Variants in CCDC178 observed in about 807,000 individuals in gnomAD.
The protein encoded by CCDC178 is coiled-coil domain containing 178.
Under a neutral mutation model 117.4 loss-of-function variants are expected in CCDC178, and 126 were observed. The ratio of observed to expected loss-of-function variants is 1.07; its 90% CI spans 0.93 to 1.24. The LOEUF (loss-of-function observed/expected upper bound fraction) is 1.24, where lower values mean the gene tolerates loss of function less well. CCDC178 is among the 50% of genes most tolerant of loss of function. The pLI, the probability that CCDC178 is intolerant of heterozygous loss-of-function variation, is 0.00. For synonymous variants in CCDC178, 283 were observed against 313.4 expected, an observed-to-expected ratio of 0.90 and a Z score of 1.02; for missense variants, 1,030 against 986.9, an observed-to-expected ratio of 1.04 and a Z score of -0.59.
In CCDC178 at chr18:33,090,281, C is replaced by A. The variant is rs1016909113; in HGVS notation, c.2388+2480G>T. On this transcript the variant is annotated intron_variant, in intron 21 of 22. Transcript: ENST00000383096. ...TACTTTGTATAGAGAGAATAATAGT[C>A]CCTAAGAAGCACAATAATTAAAATA... Among the ~76,000 whole-genome samples the A allele has an allele frequency of 5.3e-5, 8 of 152,124 alleles. 1 individual carries two copies. In the Middle Eastern group the frequency reaches 0.014, roughly 259 times the overall value.
chr18:33,350,994 T>C (rs2062969362), intron 7 of CCDC178, among the ~76,000 whole-genome samples: 1 of 152,180 alleles, frequency 6.6e-6, no homozygotes, highest in African/African-American at 2.4e-5. Flanking sequence ...AGGTATAATA[T>C]AAACTAAGGG....
In CCDC178 at chr18:33,415,388, C is replaced by T. The variant is rs527328134; in HGVS notation, c.-22-3278G>A. 9.9e-5 allele frequency among the ~76,000 whole-genome samples: 15 copies of T among 152,252 alleles called. 1 individual carries two copies. In the South Asian group the frequency reaches 2.9e-3, roughly 29 times the overall value. On this transcript the variant is annotated intron_variant, in intron 2 of 22. Transcript: ENST00000383096. ...ATGCAGCCATAAAAAATGATGAGTTCATGTCATTTGTAGGGATGTGGATGA... is the reference window on the plus strand; with the variant it reads ...ATGCAGCCATAAAAAATGATGAGTTTATGTCATTTGTAGGGATGTGGATGA...
intron 16 of CCDC178, among the ~76,000 whole-genome samples, chr18:33,225,973 C>G (rs2059298312): frequency 6.6e-6 from 1 of 151,868 alleles, no homozygotes; most frequent in Admixed American, 6.6e-5. Context: ...ACCAGCCTGA[C>G]CAAAATGGAG....
intron 7 of CCDC178, among the ~76,000 whole-genome samples, chr18:33,354,606 GA>G (rs1459180817): frequency 6.7e-6 from 1 of 148,356 alleles, no homozygotes; most frequent in African/African-American, 2.5e-5. Flanking sequence ...TTCAGTTCCA[GA>G]ATTTTTTTTT....
chr18:33,275,504 C>T (rs1299627040), intron 12 of CCDC178, among the ~76,000 whole-genome samples: 1 of 148,722 alleles, frequency 6.7e-6, no homozygotes, highest in East Asian at 2.0e-4. Flanking sequence ...CATTTTCCTT[C>T]TAATGGGCTT....
At chr18:33,390,931 C>T (rs1161176356) in intron 4 of CCDC178, among the ~76,000 whole-genome samples, 2 of 151,138 alleles carry the variant, frequency 1.3e-5, no homozygotes, top group South Asian at 2.1e-4. Context: ...TTAATATATA[C>T]TAACAGTTAA....
At chr18:32,938,969 T>C (rs1294080677) in intron 22 of CCDC178, among the ~76,000 whole-genome samples, 1 of 152,164 alleles carries the variant, frequency 6.6e-6, no homozygotes, top group Non-Finnish European at 1.5e-5. Context: ...TGAGCCATAA[T>C]ACATATAAGC....
intron 19 of CCDC178, among the ~76,000 whole-genome samples, chr18:33,214,015 T>G (rs2059137005): frequency 1.3e-5 from 2 of 151,966 alleles, no homozygotes; most frequent in South Asian, 4.1e-4. Context: ...TATCAGTAGA[T>G]TATTCATAAA....
At chr18:32,955,527 A>G (rs2054575827) in intron 22 of CCDC178, among the ~76,000 whole-genome samples, 1 of 152,156 alleles carries the variant, frequency 6.6e-6, no homozygotes, top group Admixed American at 6.6e-5. Context: ...CTTAGCAGGA[A>G]CTGAATCTGG....
chr18:33,098,134 T>C (rs1942231347), intron 20 of CCDC178, among the ~76,000 whole-genome samples: 1 of 152,036 alleles, frequency 6.6e-6, no homozygotes. Context: ...GGTGGACTAA[T>C]GCCAAAGGAG....
At chr18:32,983,233 A>T (rs371693527) in intron 21 of CCDC178, 21 of 1,078,666 alleles carry the variant, frequency 1.9e-5, no homozygotes, top group East Asian at 1.5e-4. Context: ...AGGTTACAGT[A>T]TTTCTGAAAG....
chr18:33,188,662 A>C (rs1436622629), intron 20 of CCDC178, among the ~76,000 whole-genome samples: 1 of 152,154 alleles, frequency 6.6e-6, no homozygotes, highest in Non-Finnish European at 1.5e-5. Flanking sequence ...CAGTTTTAAC[A>C]ACCACAGGAA....
Position 33,154,078 on chromosome 18 carries a change from T to C in CCDC178, c.2238+57818A>G, listed in dbSNP as rs144268723. 8.4e-3 allele frequency among the ~76,000 whole-genome samples: 1,281 copies of C among 152,178 alleles called. 22 individuals carry two copies. The highest frequency in any genetic ancestry group is 0.029 in the African/African-American group (1,197 of 41,514). On this transcript the variant is annotated intron_variant, in intron 20 of 22. Transcript: ENST00000383096. Reference sequence around the variant, plus strand: ...AACCTTAAAATATAATGGAAATGAGTTCAGTTTCTGGTAATGACATAGTAG... The same window carrying C: ...AACCTTAAAATATAATGGAAATGAGCTCAGTTTCTGGTAATGACATAGTAG...
chr18:33,103,192 G>C (rs2145107684), intron 20 of CCDC178, among the ~76,000 whole-genome samples: 1 of 151,800 alleles, frequency 6.6e-6, no homozygotes, highest in Admixed American at 6.6e-5. Context: ...GGCAGTTTTT[G>C]CATAGTGACA....
At chr18:33,009,700 C>A (rs1264808655) in intron 21 of CCDC178, among the ~76,000 whole-genome samples, 3 of 152,012 alleles carry the variant, frequency 2.0e-5, no homozygotes, top group Non-Finnish European at 4.4e-5. Flanking sequence ...TATGTGTCTC[C>A]CTCACTAGAA....
At chr18:33,028,622 G>C (rs923193936) in intron 21 of CCDC178, among the ~76,000 whole-genome samples, 1 of 151,708 alleles carries the variant, frequency 6.6e-6, no homozygotes, top group Middle Eastern at 3.4e-3. Flanking sequence ...TTATTTTCCT[G>C]ATTACTAATA....
chr18:33,348,234 T>C (rs1329218553), intron 8 of CCDC178, among the ~76,000 whole-genome samples: 1 of 151,940 alleles, frequency 6.6e-6, no homozygotes, highest in Non-Finnish European at 1.5e-5. Flanking sequence ...AGTTTATTAC[T>C]TAGTTTTCAC....
chr18:33,221,925 T>C (rs1368631899), intron 18 of CCDC178, among the ~76,000 whole-genome samples: 5 of 152,076 alleles, frequency 3.3e-5, no homozygotes, highest in Non-Finnish European at 7.4e-5. Flanking sequence ...ATTATGTATA[T>C]GATTTTAAGT....
intron 18 of CCDC178, among the ~76,000 whole-genome samples, chr18:33,222,534 T>C (rs558716536): frequency 5.8e-4 from 89 of 152,158 alleles, no homozygotes; most frequent in African/African-American, 2.1e-3. Context: ...CATACTCATG[T>C]GGTAGAAGGG....
Sources: allele counts gnomAD v4.1 joint callset (sites outside exome capture counted in the v4.1 genomes callset), GRCh38; gene constraint gnomAD v4.1.1; transcripts MANE v1.5; gene names NCBI Gene and HGNC (gene_info 2026-07-23, HGNC 2026-07-21).